The following WFDC2 variants were observed in gnomAD, a reference collection of about 807,000 sequenced individuals.
WFDC2 encodes WAP four-disulfide core domain 2.
In WFDC2, 8 loss-of-function variants were observed where a neutral mutation model predicts 12.5. The ratio of observed to expected loss-of-function variants is 0.64; its 90% CI spans 0.37 to 1.15. The LOEUF is 1.15. Among genes scored for constraint, WFDC2 ranks in the 50% most tolerant of loss-of-function variants. The pLI, the probability that WFDC2 is intolerant of heterozygous loss-of-function variation, is 0.01. For missense variants in WFDC2, 166 were observed against 159.9 expected (o/e 1.04, Z -0.21); for synonymous variants, 74 against 67.2 (o/e 1.10, Z -0.49).
intron 3 of WFDC2, among the ~76,000 whole-genome samples, chr20:45,480,736 A>G (rs1452267206): frequency 6.6e-6 from 1 of 152,212 alleles, no homozygotes; most frequent in East Asian, 1.9e-4. Flanking sequence ...AACTGATAGA[A>G]TCCAATAGTG....
chr20:45,475,998 C>T (rs1991228054), intron 2 of WFDC2, among the ~76,000 whole-genome samples: 1 of 151,938 alleles, frequency 6.6e-6, no homozygotes, highest in African/African-American at 2.4e-5. Context: ...GAATTGCAAC[C>T]CCTGATTTTT....
At chr20:45,469,910 C>T (rs751456354) in intron 1 of WFDC2, 50 bp downstream of exon 1, 3 of 1,566,644 alleles carry the variant, frequency 1.9e-6, no homozygotes, top group African/African-American at 2.7e-5. Context: ...GAGCCACGAG[C>T]GCCAGGATGG....
intron 2 of WFDC2, among the ~76,000 whole-genome samples, chr20:45,474,237 G>C (rs1991206256): frequency 6.6e-6 from 1 of 152,202 alleles, no homozygotes. Flanking sequence ...TGGTGAGAGA[G>C]AGCATGCTTG....
At chr20:45,472,426 T>C (rs773960275) in intron 2 of WFDC2, among the ~76,000 whole-genome samples, 111 of 152,244 alleles carry the variant, frequency 7.3e-4, no homozygotes, top group Non-Finnish European at 1.3e-3. Context: ...GCTTCATCCA[T>C]GTCTCTGCAA....
chr20:45,477,866 G>A (rs1991252641), intron 2 of WFDC2, among the ~76,000 whole-genome samples: 1 of 152,232 alleles, frequency 6.6e-6, no homozygotes, highest in African/African-American at 2.4e-5. Context: ...GCCCAGAGAG[G>A]AGGAATCTAG....
At chr20:45,478,674 G>A (rs2145506563) in intron 2 of WFDC2, among the ~76,000 whole-genome samples, 1 of 151,890 alleles carries the variant, frequency 6.6e-6, no homozygotes, top group South Asian at 2.1e-4. Flanking sequence ...CGCCCAGGCT[G>A]GAGTGCAGTG....
In WFDC2 at chr20:45,470,603, G is replaced by C. The variant is rs1015512340; in HGVS notation, c.223+71G>C. On this transcript the variant is annotated intron_variant, in intron 2 of 3. Transcript: ENST00000372676. This position sits in a 1 kb window ranked among gnomAD's most constrained non-coding sequence, Gnocchi z 5.4. ...GCTGGGAGGAGGTGGGAGGGCCCGG[G>C]TTCCGGGAACAGGGGCGCCCCCGGA... 1 of 1,485,758 alleles carries C rather than the reference G, an allele frequency of 6.7e-7. No individual in the cohort carries two copies. Among genetic ancestry groups the C allele is most frequent in the Non-Finnish European group, 8.9e-7 (1 of 1,117,804 alleles). The allele number at this position is 1,485,758 out of a possible 1,614,324, so 92.0% of individuals were successfully genotyped here.
chr20:45,472,605 C>A (rs6032217), intron 2 of WFDC2, among the ~76,000 whole-genome samples: 1 of 128,490 alleles, frequency 7.8e-6, no homozygotes, highest in South Asian at 2.8e-4. Flanking sequence ...TGGGCATTTG[C>A]GTTGGTTCCA....
intron 2 of WFDC2, among the ~76,000 whole-genome samples, chr20:45,477,434 G>T (rs751337490): frequency 6.6e-6 from 1 of 152,204 alleles, no homozygotes; most frequent in Non-Finnish European, 1.5e-5. Flanking sequence ...AGGCCCCTCA[G>T]CTGCAGGTCT....
chr20:45,480,637 A>C (rs1435891573), intron 3 of WFDC2, among the ~76,000 whole-genome samples: 1 of 152,036 alleles, frequency 6.6e-6, no homozygotes, highest in Non-Finnish European at 1.5e-5. Context: ...ACAAACAAAC[A>C]AAAAACAGCT....
At chr20:45,480,252 A>C (rs548641344) in intron 3 of WFDC2, among the ~76,000 whole-genome samples, 158 bp downstream of exon 3, 1 of 152,178 alleles carries the variant, frequency 6.6e-6, no homozygotes, top group East Asian at 1.9e-4. Context: ...AAGAAGAGTG[A>C]AAGGTGGGTA....
chr20:45,479,812 A>G (rs1991278263), intron 2 of WFDC2, 130 bp from the exon 3 acceptor site: 1 of 1,613,168 alleles, frequency 6.2e-7, no homozygotes, highest in South Asian at 1.1e-5. Flanking sequence ...GGTGCCCAAG[A>G]TGGACTCAGG....
intron 2 of WFDC2, among the ~76,000 whole-genome samples, chr20:45,478,162 G>A (rs1260873821): frequency 6.6e-6 from 1 of 152,132 alleles, no homozygotes; most frequent in East Asian, 1.9e-4. Flanking sequence ...CTTTCCAGGG[G>A]CGTGAATGGT....
chr20:45,473,630 T>G (rs1435366356), intron 2 of WFDC2, among the ~76,000 whole-genome samples: 1 of 152,206 alleles, frequency 6.6e-6, no homozygotes, highest in African/African-American at 2.4e-5. Context: ...GCTTCCAGCT[T>G]TGTTCTTTTT....
intron 2 of WFDC2, chr20:45,479,543 T>A: frequency 1.1e-6 from 1 of 899,714 alleles, no homozygotes; most frequent in Non-Finnish European, 1.8e-6. Context: ...GTGTTCACTG[T>A]TATAATTTCT....
At chr20:45,473,809 C>T (rs1478370832) in intron 2 of WFDC2, among the ~76,000 whole-genome samples, 1 of 151,614 alleles carries the variant, frequency 6.6e-6, no homozygotes, top group Non-Finnish European at 1.5e-5. Context: ...TTCTTCTTAT[C>T]CATGAGCATG....
chr20:45,478,919 T>C (rs1443794672), intron 2 of WFDC2, among the ~76,000 whole-genome samples: 1 of 152,222 alleles, frequency 6.6e-6, no homozygotes, highest in Non-Finnish European at 1.5e-5. Flanking sequence ...GTCAGCCACT[T>C]TCCTTGTCCT....
chr20:45,479,132 C>T (rs73907982), intron 2 of WFDC2, among the ~76,000 whole-genome samples: 2,190 of 152,188 alleles, frequency 0.014, 48 homozygotes, highest in African/African-American at 0.05. Flanking sequence ...AGTGGAAGGA[C>T]GTGTGGTTTC....
In WFDC2 at chr20:45,469,843, G is replaced by T; in HGVS notation, c.62G>T (p.Gly21Val). The change falls in exon 1 of 4, where the codon GGC becomes GTC. Residue 21 changes from glycine to valine, a missense_variant. Transcript: ENST00000372676. ...CTCCTCCTCAGCCTGCTGCTGTTCG[G>T]CTTCACCCTAGTCTCAGGTGAGTGG... is the stretch of plus-strand genomic sequence containing the variant. ...AALLLSLLLF[G>V]FTLVSGTGAE... is the part of the protein sequence containing the mutation. 4.3e-6 allele frequency: 7 copies of T among 1,610,434 alleles called. No individual in the cohort carries two copies. The highest frequency in any genetic ancestry group is 5.9e-6 in the Non-Finnish European group (7 of 1,178,716).
Sources: gnomAD v4.1 joint callset for allele counts (sites outside exome capture counted in the v4.1 genomes callset) on GRCh38, gnomAD v4.1.1 for gene constraint, Gnocchi (gnomAD v3.1) non-coding constraint, MANE v1.5 for transcripts, NCBI Gene and HGNC (gene_info 2026-07-23, HGNC 2026-07-21) for gene names.